The following ZMAT4 variants were observed in gnomAD, a reference collection of about 807,000 sequenced individuals.
The protein encoded by ZMAT4 is zinc finger matrin-type protein 4.
ZMAT4 carries 17 observed loss-of-function variants against 28.7 expected under a neutral mutation model. The ratio of observed to expected loss-of-function variants is 0.59; its 90% CI spans 0.41 to 0.89. The LOEUF (loss-of-function observed/expected upper bound fraction) is 0.89, where lower values mean the gene tolerates loss of function less well. Among genes scored for constraint, ZMAT4 ranks in the 40% least tolerant of loss-of-function variants. The probability of loss-of-function intolerance (pLI) is 0.00; values close to 1 mark genes in which losing one functional copy is unlikely to be tolerated. For synonymous variants in ZMAT4, 117 were observed against 109.2 expected, an observed-to-expected ratio of 1.07 and a Z score of -0.44; for missense variants, 240 against 283.8, an observed-to-expected ratio of 0.85 and a Z score of 1.11.
chr8:40,707,181 C>T (rs931826872), intron 3 of ZMAT4, among the ~76,000 whole-genome samples: 3 of 151,908 alleles, frequency 2.0e-5, no homozygotes, highest in African/African-American at 4.8e-5. Context: ...ACAGCTGATG[C>T]TTCCTCACTC....
chr8:40,802,324 G>C (rs1303069891), intron 2 of ZMAT4, among the ~76,000 whole-genome samples: 1 of 152,080 alleles, frequency 6.6e-6, no homozygotes, highest in Non-Finnish European at 1.5e-5. Flanking sequence ...TTTTATAAAA[G>C]ATCTCAAAGA....
chr8:40,842,098 A>G (rs992687720), intron 1 of ZMAT4, among the ~76,000 whole-genome samples: 1 of 152,182 alleles, frequency 6.6e-6, no homozygotes, highest in African/African-American at 2.4e-5. Flanking sequence ...AGGCCCTCCT[A>G]TAGGTGAGGC....
intron 2 of ZMAT4, among the ~76,000 whole-genome samples, chr8:40,788,546 C>T (rs903420835): frequency 6.6e-6 from 1 of 152,138 alleles, no homozygotes; most frequent in Non-Finnish European, 1.5e-5. Context: ...GATTGCACCA[C>T]TGCACAATCT....
intron 3 of ZMAT4, among the ~76,000 whole-genome samples, chr8:40,760,451 C>T (rs1363405073): frequency 6.6e-6 from 1 of 152,234 alleles, no homozygotes; most frequent in Non-Finnish European, 1.5e-5. Context: ...AAACATACCC[C>T]AGGCTCTAGC....
At chr8:40,760,100 G>T (rs1812863554) in intron 3 of ZMAT4, among the ~76,000 whole-genome samples, 1 of 152,006 alleles carries the variant, frequency 6.6e-6, no homozygotes, top group Admixed American at 6.5e-5. Context: ...CAAGAATGCA[G>T]ACAAGACACC....
intron 3 of ZMAT4, among the ~76,000 whole-genome samples, chr8:40,715,022 C>T (rs1216060188): frequency 8.1e-6 from 1 of 123,858 alleles, no homozygotes; most frequent in Non-Finnish European, 1.6e-5. Flanking sequence ...GCACTCCAGC[C>T]TGGCGACAGA....
intron 3 of ZMAT4, among the ~76,000 whole-genome samples, chr8:40,745,741 C>T (rs763781138): frequency 6.6e-6 from 1 of 152,114 alleles, no homozygotes; most frequent in Non-Finnish European, 1.5e-5. Flanking sequence ...ATTTCTCCTA[C>T]GCCTATCTCT....
chr8:40,732,834 CTTTTTTTTT>C (rs11461186), intron 3 of ZMAT4, among the ~76,000 whole-genome samples: 1 of 67,022 alleles, frequency 1.5e-5, no homozygotes, highest in African/African-American at 5.7e-5. Flanking sequence ...GCAAGACCTC[CTTTTTTTTT>C]TTTTTTTTTT....
At chr8:40,761,887 T>G (rs1812956578) in intron 3 of ZMAT4, among the ~76,000 whole-genome samples, 1 of 152,210 alleles carries the variant, frequency 6.6e-6, no homozygotes, top group East Asian at 1.9e-4. Context: ...AGGACAGCAA[T>G]TATATTGCTT....
At chr8:40,628,212 G>T (rs1806444923) in intron 5 of ZMAT4, among the ~76,000 whole-genome samples, 2 of 152,132 alleles carry the variant, frequency 1.3e-5, no homozygotes. Context: ...ACAAAGAAGA[G>T]ATTTATTGAA....
At chr8:40,862,089 T>C (rs1173322264) in intron 1 of ZMAT4, among the ~76,000 whole-genome samples, 2 of 152,172 alleles carry the variant, frequency 1.3e-5, no homozygotes, top group African/African-American at 4.8e-5. Flanking sequence ...CAAAGGATTA[T>C]AAATCATGCT....
intron 6 of ZMAT4, among the ~76,000 whole-genome samples, chr8:40,558,800 C>T (rs1340859424): frequency 6.6e-6 from 1 of 151,950 alleles, no homozygotes; most frequent in Non-Finnish European, 1.5e-5. Flanking sequence ...GAGATCCCAG[C>T]CACGACAGGA....
intron 4 of ZMAT4, among the ~76,000 whole-genome samples, chr8:40,684,665 T>C (rs1466909578): frequency 1.3e-5 from 2 of 152,244 alleles, no homozygotes; most frequent in Non-Finnish European, 2.9e-5. Context: ...TCATTTCTTA[T>C]ATCCTTATGA....
intron 1 of ZMAT4, among the ~76,000 whole-genome samples, chr8:40,875,386 A>G (rs772802231): frequency 2.0e-5 from 3 of 152,094 alleles, no homozygotes; most frequent in Non-Finnish European, 4.4e-5. Flanking sequence ...GAGACAACAG[A>G]CGAGCTGATA....
chr8:40,677,076 T>G (rs960818023), intron 4 of ZMAT4, among the ~76,000 whole-genome samples: 1 of 152,198 alleles, frequency 6.6e-6, no homozygotes, highest in African/African-American at 2.4e-5. Flanking sequence ...AAATGTTGAC[T>G]CTTGAAGCAT....
chr8:40,865,784 C>G (rs531153516), intron 1 of ZMAT4, among the ~76,000 whole-genome samples: 4 of 152,332 alleles, frequency 2.6e-5, no homozygotes, highest in African/African-American at 9.6e-5. Flanking sequence ...CACTGTACTA[C>G]GCAGAATGTG....
chr8:40,596,318 G>C (rs1805102214), intron 5 of ZMAT4, among the ~76,000 whole-genome samples: 1 of 152,060 alleles, frequency 6.6e-6, no homozygotes, highest in Non-Finnish European at 1.5e-5. Flanking sequence ...AACTATTTTT[G>C]CTTCAATAAT....
intron 6 of ZMAT4, among the ~76,000 whole-genome samples, chr8:40,576,182 C>A (rs1804256897): frequency 6.6e-6 from 1 of 151,698 alleles, no homozygotes; most frequent in African/African-American, 2.4e-5. Context: ...GAAACCATAA[C>A]ACAAATATTT....
intron 1 of ZMAT4, among the ~76,000 whole-genome samples, chr8:40,860,287 A>G (rs983490650): frequency 6.6e-6 from 1 of 152,180 alleles, no homozygotes; most frequent in African/African-American, 2.4e-5. Flanking sequence ...AGCTGGGACC[A>G]TGAGATGAGC....
Sources: gnomAD v4.1 joint callset for allele counts (sites outside exome capture counted in the v4.1 genomes callset) on GRCh38, gnomAD v4.1.1 for gene constraint, MANE v1.5 for transcripts, NCBI Gene and HGNC (gene_info 2026-07-23, HGNC 2026-07-21) for gene names.